UGT1A7: variants seen among roughly 807,000 people sequenced by gnomAD.
The protein encoded by UGT1A7 is UDP glucuronosyltransferase family 1 member A7, also known as UDP-glucuronosyltransferase 1A7.
A neutral mutation model predicts 45.6 loss-of-function variants in UGT1A7; 33 were observed. The observed-to-expected ratio is 0.72, with a 90% CI of 0.55 to 0.97. UGT1A7 has a LOEUF of 0.97. UGT1A7 is among the 50% of genes least tolerant of loss of function. The probability of loss-of-function intolerance (pLI) is 0.00; values close to 1 mark genes in which losing one functional copy is unlikely to be tolerated. For synonymous variants in UGT1A7, 274 were observed against 250.6 expected, an observed-to-expected ratio of 1.09 and a Z score of -0.88; for missense variants, 684 against 666.2, an observed-to-expected ratio of 1.03 and a Z score of -0.29.
chr2:233,756,202 C>T (rs540523452), intron 1 of UGT1A7: 9 of 152,318 alleles, frequency 5.9e-5, no homozygotes, highest in African/African-American at 1.7e-4. Flanking sequence ...AGAGTAGTCC[C>T]TGGTATTCTG....
chr2:233,769,382 A>G lies in UGT1A7; in HGVS notation c.1295+943A>G. 1 of 1,021,984 alleles carries G rather than the reference A, an allele frequency of 9.8e-7. No individual in the cohort carries two copies. The highest frequency in any genetic ancestry group is 1.6e-5 in the South Asian group (1 of 63,370). 63.3% of individuals were successfully genotyped at this position (1,021,984 alleles called of 1,614,324 possible). On this transcript the variant is annotated intron_variant, in intron 4 of 4. Transcript: ENST00000373426. This position sits in a 1 kb window ranked among gnomAD's most constrained non-coding sequence, Gnocchi z 4.4. ...GGCCAGTGGTAGATTTCATCCGACAATAGATACTGTGTGCATATGTGCGTG... is the reference window on the plus strand; with the variant it reads ...GGCCAGTGGTAGATTTCATCCGACAGTAGATACTGTGTGCATATGTGCGTG...
Position 233,772,347 on chromosome 2 carries a change from T to A in UGT1A7, c.1381T>A (p.Phe461Ile), listed in dbSNP as rs1700509286. 9.9e-6 allele frequency: 16 copies of A among 1,614,210 alleles called. No individual in the cohort carries two copies. The highest frequency in any genetic ancestry group is 1.4e-5 in the Non-Finnish European group (16 of 1,180,042). ...GGACCTGGCCGTGTTCTGGGTGGAG[T>A]TTGTGATGAGGCACAAGGGCGCGCC... is the stretch of plus-strand genomic sequence containing the variant. ...PLDLAVFWVE[F>I]VMRHKGAPHL... The change falls in exon 5 of 5, where the codon TTT becomes ATT. Residue 461 changes from phenylalanine (F) to isoleucine (I), a missense_variant. Coordinates refer to ENST00000373426, the MANE Select transcript of UGT1A7 (RefSeq NM_019077.3).
intron 1 of UGT1A7, among the ~76,000 whole-genome samples, chr2:233,724,132 C>T (rs1385895919): frequency 3.1e-4 from 38 of 120,742 alleles, no homozygotes; most frequent in South Asian, 1.8e-3. Flanking sequence ...CCTCACCTCC[C>T]GGACGGGGCG....
At position 233,682,685 on chromosome 2, in the gene UGT1A7, A is replaced by T; in HGVS notation, c.748A>T (p.Ile250Phe). Residue 250 changes from isoleucine to phenylalanine, a missense_variant, in exon 1 of 5, where the codon ATT becomes TTT. Physicochemically the swap from Ile to Phe is conservative, Grantham distance 21 (BLOSUM62 0). Transcript: ENST00000373426. ...ATATGATCTCTACAGCCACACATCAATTTGGTTGTTGCGAACTGACTTTGT... is the reference window on the plus strand; with the variant it reads ...ATATGATCTCTACAGCCACACATCATTTTGGTTGTTGCGAACTGACTTTGT... Reference protein sequence around the residue: ...TAYDLYSHTSIWLLRTDFVLE... With the variant: ...TAYDLYSHTSFWLLRTDFVLE... 1 of 1,613,842 alleles carries T rather than the reference A, an allele frequency of 6.2e-7. No individual in the cohort carries two copies. Among genetic ancestry groups the T allele is most frequent in the Non-Finnish European group, 8.5e-7 (1 of 1,179,790 alleles).
At chr2:233,755,824 A>G (rs764510455) in intron 1 of UGT1A7, 1 of 152,240 alleles carries the variant, frequency 6.6e-6, no homozygotes, top group Admixed American at 6.5e-5. Context: ...TTAAAAAGAC[A>G]TATTCATTGG....
chr2:233,682,262 T>C lies in UGT1A7; in HGVS notation c.325T>C (p.Leu109=). ...ACCATTGCGAAGTGCATTTTCTCTA[T>C]TAACAAGTTCATCCAATGGTATTTT... ...TAPLRSAFSL[L]TSSSNGIFDL... is the part of the protein sequence containing the mutation. The change falls in exon 1 of 5, where the codon TTA becomes CTA. Residue 109 remains leucine, a synonymous_variant. Coordinates refer to ENST00000373426, the MANE Select transcript of UGT1A7 (RefSeq NM_019077.3). 1 of 1,614,238 alleles carries C rather than the reference T, an allele frequency of 6.2e-7. No homozygotes were observed. Among genetic ancestry groups the C allele is most frequent in the African/African-American group, 1.3e-5 (1 of 75,074 alleles).
At chr2:233,693,455 C>T (rs773557629) in intron 1 of UGT1A7, 7 of 1,614,054 alleles carry the variant, frequency 4.3e-6, no homozygotes, top group South Asian at 1.1e-5. Context: ...TTTCACAGAC[C>T]CAGCCTTACC....
intron 1 of UGT1A7, chr2:233,752,561 A>G (rs1440235236): frequency 6.6e-6 from 1 of 152,232 alleles, no homozygotes; most frequent in Non-Finnish European, 1.5e-5. Context: ...GGGACAACAT[A>G]GTGGGTCAAC....
intron 1 of UGT1A7, chr2:233,691,124 A>G (rs1305698863): frequency 2.0e-6 from 2 of 985,838 alleles, no homozygotes; most frequent in African/African-American, 3.5e-5. Context: ...TGCTTAAGCC[A>G]TTCTTCCTCT....
At chr2:233,690,889 G>A in intron 1 of UGT1A7, 1 of 1,060,584 alleles carries the variant, frequency 9.4e-7, no homozygotes, top group Non-Finnish European at 1.1e-6. Context: ...GAATTCAAGG[G>A]ATGGTATGCA....
intron 1 of UGT1A7, among the ~76,000 whole-genome samples, chr2:233,749,628 C>A (rs1475485120): frequency 6.6e-6 from 1 of 151,798 alleles, no homozygotes; most frequent in Non-Finnish European, 1.5e-5. Context: ...GGCTCTGTAT[C>A]CCCCACCAAA....
intron 1 of UGT1A7, among the ~76,000 whole-genome samples, chr2:233,707,554 G>GTTTTTTTTTTTTTTTTTTTTTTT (rs2075972438): frequency 7.1e-6 from 1 of 141,820 alleles, no homozygotes. Context: ...TTTTTTTTTG[G>GTTTTTTTTTTTTTTTTTTTTTTT]TTCAACCTTA....
chr2:233,685,595 T>A (rs2074745339), intron 1 of UGT1A7, among the ~76,000 whole-genome samples: 1 of 152,202 alleles, frequency 6.6e-6, no homozygotes, highest in African/African-American at 2.4e-5. Flanking sequence ...AAGGCCTCCC[T>A]CCAAGATTAT....
intron 1 of UGT1A7, among the ~76,000 whole-genome samples, chr2:233,745,098 AT>A (rs960304427): frequency 6.6e-6 from 1 of 151,758 alleles, no homozygotes; most frequent in African/African-American, 2.4e-5. Flanking sequence ...CCCCCCAAAT[AT>A]TTTTAATCTG....
At chr2:233,693,088 G>A in intron 1 of UGT1A7, 9 of 1,614,204 alleles carry the variant, frequency 5.6e-6, no homozygotes, top group Non-Finnish European at 7.6e-6. Context: ...TAGGTGACAA[G>A]CTGCTGGTGG....
chr2:233,744,064 T>G, intron 1 of UGT1A7: 1 of 560,044 alleles, frequency 1.8e-6, no homozygotes, highest in Non-Finnish European at 2.7e-6. Context: ...TCGAGGCCTA[T>G]GAGCGCCTCG....
At chr2:233,700,539 G>A (rs1353937482) in intron 1 of UGT1A7, among the ~76,000 whole-genome samples, 1 of 152,120 alleles carries the variant, frequency 6.6e-6, no homozygotes, top group East Asian at 1.9e-4. Flanking sequence ...CTAGGAGAAT[G>A]AGAATAAGGG....
intron 1 of UGT1A7, among the ~76,000 whole-genome samples, chr2:233,756,671 T>G (rs1269369831): frequency 6.6e-6 from 1 of 152,214 alleles, no homozygotes; most frequent in Admixed American, 6.5e-5. Flanking sequence ...TTATTTCCGC[T>G]AGAACTGCTA....
At chr2:233,736,960 T>C (rs1472477561) in intron 1 of UGT1A7, among the ~76,000 whole-genome samples, 1 of 152,166 alleles carries the variant, frequency 6.6e-6, no homozygotes, top group Non-Finnish European at 1.5e-5. Context: ...TGGCCCCTAC[T>C]GGGAGGTGTT....
Sources: gnomAD v4.1 joint callset for allele counts (sites outside exome capture counted in the v4.1 genomes callset) on GRCh38, gnomAD v4.1.1 for gene constraint, Gnocchi (gnomAD v3.1) non-coding constraint, MANE v1.5 for transcripts, NCBI Gene and HGNC (gene_info 2026-07-23, HGNC 2026-07-21) for gene names.